The following LUZP2 variants were observed in gnomAD, a reference collection of about 807,000 sequenced individuals.
LUZP2 encodes leucine zipper protein 2.
In LUZP2, 52 loss-of-function variants were observed where a neutral mutation model predicts 51.6. That is an observed-to-expected ratio of 1.01 (90% confidence interval 0.81 to 1.27). The LOEUF (loss-of-function observed/expected upper bound fraction) is 1.27, where lower values mean the gene tolerates loss of function less well. LUZP2 is among the 50% of genes most tolerant of loss of function. LUZP2 has a pLI of 0.00. For synonymous variants in LUZP2, 154 were observed against 137.3 expected, an observed-to-expected ratio of 1.12 and a Z score of -0.85; for missense variants, 436 against 395.4, an observed-to-expected ratio of 1.10 and a Z score of -0.87.
intron 1 of LUZP2, among the ~76,000 whole-genome samples, chr11:24,565,024 G>T (rs1228559007): frequency 6.6e-6 from 1 of 152,110 alleles, no homozygotes; most frequent in East Asian, 1.9e-4. Context: ...AATTAATGGG[G>T]ACATCGTATC....
At chr11:24,673,456 A>C (rs1382514694) in intron 1 of LUZP2, among the ~76,000 whole-genome samples, 1 of 152,130 alleles carries the variant, frequency 6.6e-6, no homozygotes. Flanking sequence ...TGGTCCTTGC[A>C]GGGTGCAGGG....
rs1858444491 is a variant in LUZP2, at chr11:25,050,070, C to G, written c.798C>G (p.Ser266Arg). Residue 266 changes from serine (S) to arginine (R), a missense_variant, in exon 10 of 12, where the codon AGC becomes AGG. By Grantham distance (110) the Ser-to-Arg change is moderately radical. Transcript: ENST00000336930. ...AAAGTGCTTCTGGAAACAATGAGAG[C>G]TCTCAAGTTGAGTCAACAAAGGAAG... ...PQQSASGNNE[S>R]SQVESTKEGN... 6.3e-6 allele frequency: 10 copies of G among 1,598,454 alleles called. No individual in the cohort carries two copies. Among genetic ancestry groups the G allele is most frequent in the African/African-American group, 2.7e-5 (2 of 74,142 alleles).
At chr11:24,967,909 A>C (rs553439458) in intron 7 of LUZP2, among the ~76,000 whole-genome samples, 1 of 152,232 alleles carries the variant, frequency 6.6e-6, no homozygotes, top group Non-Finnish European at 1.5e-5. Flanking sequence ...ATATATTAAT[A>C]ACTGGTGAGA....
chr11:24,846,044 A>G (rs1481406635), intron 5 of LUZP2, among the ~76,000 whole-genome samples: 2 of 152,112 alleles, frequency 1.3e-5, no homozygotes, highest in Admixed American at 1.3e-4. Context: ...CATCCATTCA[A>G]CGCAGGCAAG....
chr11:25,023,132 A>G (rs1857387605), intron 9 of LUZP2, among the ~76,000 whole-genome samples: 1 of 152,078 alleles, frequency 6.6e-6, no homozygotes, highest in Non-Finnish European at 1.5e-5. Flanking sequence ...TGTCTCTGCC[A>G]GGCTTTGGTG....
In LUZP2 at chr11:24,729,242, A is replaced by G; in HGVS notation, c.136A>G (p.Thr46Ala). 1 of 1,577,566 alleles carries G rather than the reference A, an allele frequency of 6.3e-7. No homozygotes were observed. The highest frequency in any genetic ancestry group is 8.7e-7 in the Non-Finnish European group (1 of 1,155,664). ...GCGAAGCACCATTCTTCGTCAGCTGACAAAGACATCAAGAGAACTTGATGG... is the reference window on the plus strand; with the variant it reads ...GCGAAGCACCATTCTTCGTCAGCTGGCAAAGACATCAAGAGAACTTGATGG... Reference protein sequence around the residue: ...KERSTILRQLTKTSRELDGIK... With the variant: ...KERSTILRQLAKTSRELDGIK... The change falls in exon 2 of 12, where the codon ACA (threonine) becomes GCA (alanine). Residue 46 changes from threonine (T) to alanine (A), a missense_variant. Coordinates refer to ENST00000336930, the MANE Select transcript of LUZP2 (RefSeq NM_001009909.4).
intron 9 of LUZP2, among the ~76,000 whole-genome samples, chr11:25,036,225 T>C (rs1334316189): frequency 2.0e-5 from 3 of 152,142 alleles, no homozygotes; most frequent in African/African-American, 2.4e-5. Flanking sequence ...TCTAGAAATA[T>C]ATCAGTTTCT....
At chr11:24,660,308 G>A (rs951413001) in intron 1 of LUZP2, among the ~76,000 whole-genome samples, 1 of 152,008 alleles carries the variant, frequency 6.6e-6, no homozygotes, top group African/African-American at 2.4e-5. Flanking sequence ...TAAAATAATG[G>A]GGCTGACAAC....
intron 1 of LUZP2, among the ~76,000 whole-genome samples, chr11:24,606,923 T>C (rs1853939236): frequency 6.6e-6 from 1 of 152,102 alleles, no homozygotes; most frequent in Non-Finnish European, 1.5e-5. Flanking sequence ...TTTATATATC[T>C]ATTGGCCATT....
intron 1 of LUZP2, among the ~76,000 whole-genome samples, chr11:24,500,625 C>G (rs1590107013): frequency 6.6e-6 from 1 of 152,116 alleles, no homozygotes; most frequent in Non-Finnish European, 1.5e-5. Context: ...TCTGCTGAAC[C>G]TCTGTTCCTT....
rs138347591 is a variant in LUZP2 at position 25,078,346 on chromosome 11, G to A, written c.937-208G>A. ...TTCAAAATAGTTTTTGAAATGTTTTGCTGTTTTTAGGCAAAATATTGTTAT... is the reference window on the plus strand; with the variant it reads ...TTCAAAATAGTTTTTGAAATGTTTTACTGTTTTTAGGCAAAATATTGTTAT... On this transcript the variant is annotated intron_variant, in intron 11 of 11. Transcript: ENST00000336930. Among the ~76,000 whole-genome samples, 439 of 152,236 alleles carry A rather than the reference G, an allele frequency of 2.9e-3. 1 individual carries two copies. Among genetic ancestry groups the A allele is most frequent in the African/African-American group, 9.6e-3 (400 of 41,554 alleles).
At chr11:24,752,223 A>G (rs1859618946) in intron 4 of LUZP2, among the ~76,000 whole-genome samples, 2 of 152,178 alleles carry the variant, frequency 1.3e-5, no homozygotes. Flanking sequence ...ATACAATTAC[A>G]AAATTTTCCA....
intron 5 of LUZP2, among the ~76,000 whole-genome samples, chr11:24,765,515 C>T (rs913891916): frequency 4.6e-5 from 7 of 152,014 alleles, no homozygotes; most frequent in African/African-American, 9.7e-5. Flanking sequence ...TTGAGACAAC[C>T]GTATGGGTTT....
At chr11:24,772,940 G>C (rs999653333) in intron 5 of LUZP2, among the ~76,000 whole-genome samples, 2 of 152,126 alleles carry the variant, frequency 1.3e-5, no homozygotes, top group Admixed American at 6.5e-5. Context: ...GTATGACCTT[G>C]TTTTAACAAT....
intron 4 of LUZP2, among the ~76,000 whole-genome samples, chr11:24,744,476 G>A (rs1231267066): frequency 6.6e-6 from 1 of 152,194 alleles, no homozygotes; most frequent in East Asian, 1.9e-4. Flanking sequence ...ATCTCTTCTA[G>A]GTTTCCTAGT....
intron 1 of LUZP2, among the ~76,000 whole-genome samples, chr11:24,680,278 A>G (rs922268693): frequency 3.3e-5 from 5 of 152,240 alleles, no homozygotes; most frequent in African/African-American, 1.2e-4. Context: ...AGTTGCTCCC[A>G]GCTTCCCTGT....
At chr11:24,922,054 A>T (rs868801231) in intron 7 of LUZP2, among the ~76,000 whole-genome samples, 2 of 150,242 alleles carry the variant, frequency 1.3e-5, no homozygotes, top group Non-Finnish European at 3.0e-5. Flanking sequence ...GATATTAATT[A>T]TTTTTTTTTT....
At chr11:24,565,922 C>G (rs975964897) in intron 1 of LUZP2, among the ~76,000 whole-genome samples, 4 of 151,848 alleles carry the variant, frequency 2.6e-5, no homozygotes, top group African/African-American at 9.7e-5. Flanking sequence ...AATTCTATAG[C>G]TAGTGAAATT....
rs566628694 is a variant in LUZP2, at chr11:24,909,513, CA to C, written c.459+3464del. Reference sequence around the variant, plus strand: ...ATTATTTTGAGGGAAAAAAAAAAAACAAAAGAAGAAAGTCTGTTTTCCTGAG... The same window carrying C: ...ATTATTTTGAGGGAAAAAAAAAAAACAAAGAAGAAAGTCTGTTTTCCTGAG... On this transcript the variant is annotated intron_variant, in intron 6 of 11. Transcript: ENST00000336930. Among the ~76,000 whole-genome samples the C allele has an allele frequency of 2.6e-4, 38 of 148,532 alleles. No homozygotes were observed. In the South Asian group the frequency reaches 7.8e-3, roughly 31 times the overall value.
Sources: allele counts gnomAD v4.1 joint callset (sites outside exome capture counted in the v4.1 genomes callset), GRCh38; gene constraint gnomAD v4.1.1; transcripts MANE v1.5; gene names NCBI Gene and HGNC (gene_info 2026-07-23, HGNC 2026-07-21).